The following IRAK1BP1 variants were observed in gnomAD, a reference collection of about 807,000 sequenced individuals.
IRAK1BP1 encodes the protein interleukin-1 receptor-associated kinase 1-binding protein 1.
IRAK1BP1 carries 24 observed loss-of-function variants against 28.0 expected under a neutral mutation model. The observed-to-expected ratio is 0.86, with a 90% CI of 0.62 to 1.20. The LOEUF (loss-of-function observed/expected upper bound fraction) is 1.20. Ranked by LOEUF, IRAK1BP1 falls within the 50% of genes most tolerant of loss-of-function variation. The pLI is 0.00. For missense variants in IRAK1BP1, 336 were observed against 316.7 expected, an observed-to-expected ratio of 1.06 and a Z score of -0.46; for synonymous variants, 131 against 116.3, an observed-to-expected ratio of 1.13 and a Z score of -0.81.
intron 4 of IRAK1BP1, among the ~76,000 whole-genome samples, chr6:78,924,547 A>T (rs1206805613): frequency 6.6e-6 from 1 of 152,178 alleles, no homozygotes; most frequent in Non-Finnish European, 1.5e-5. Context: ...AAAAGAGGGA[A>T]TCCTCCCTAA....
At chr6:78,923,697 A>G (rs1772807039) in intron 4 of IRAK1BP1, among the ~76,000 whole-genome samples, 1 of 152,234 alleles carries the variant, frequency 6.6e-6, no homozygotes, top group Admixed American at 6.5e-5. Context: ...ATGTAAAAGA[A>G]CAGAAATTAT....
At chr6:78,921,994 G>A (rs751211834) in intron 4 of IRAK1BP1, among the ~76,000 whole-genome samples, 23 of 152,146 alleles carry the variant, frequency 1.5e-4, no homozygotes, top group Admixed American at 7.2e-4. Flanking sequence ...CAGAAAAACC[G>A]AAAATTCTAA....
At chr6:78,876,762 A>G (rs1416889601) in intron 1 of IRAK1BP1, among the ~76,000 whole-genome samples, 1 of 152,086 alleles carries the variant, frequency 6.6e-6, no homozygotes, top group Non-Finnish European at 1.5e-5. Context: ...GGGACACTTG[A>G]TCATCTTGTG....
intron 4 of IRAK1BP1, chr6:78,940,548 G>GTTTGTT (rs1773439272): frequency 1.5e-4 from 12 of 82,710 alleles, no homozygotes; most frequent in African/African-American, 6.2e-4. Context: ...TCGTAAGTTT[G>GTTTGTT]TTTTTTTTTT....
At chr6:78,914,809 T>G (rs74943682) in intron 4 of IRAK1BP1, among the ~76,000 whole-genome samples, 5,682 of 152,116 alleles carry the variant, frequency 0.037, 107 homozygotes, top group Middle Eastern at 0.058. Context: ...TTTTTGGTTT[T>G]GTTTTGTTTT....
At chr6:78,946,591 C>T, downstream of IRAK1BP1, 1 of 1,418,772 alleles carries the variant, frequency 7.0e-7, no homozygotes, top group Non-Finnish European at 9.1e-7. Flanking sequence ...TAGGAACTTG[C>T]ATGTCAAATT....
chr6:78,919,490 A>G (rs1217472798), intron 4 of IRAK1BP1, among the ~76,000 whole-genome samples: 2 of 152,192 alleles, frequency 1.3e-5, no homozygotes, highest in African/African-American at 2.4e-5. Flanking sequence ...AACAAGCACA[A>G]TTAGAAATTA....
chr6:78,975,572 G>C, the IRAK1BP1 span, among the ~76,000 whole-genome samples: 1 of 152,168 alleles, frequency 6.6e-6, no homozygotes, highest in East Asian at 1.9e-4. Flanking sequence ...TAGGAAAAGA[G>C]GAAGTCAAAT....
chr6:78,959,170 C>T, the IRAK1BP1 span, among the ~76,000 whole-genome samples: 1 of 151,998 alleles, frequency 6.6e-6, no homozygotes, highest in Non-Finnish European at 1.5e-5. Flanking sequence ...AAAATAAAAT[C>T]TGGAGTTTTA....
At chr6:78,890,127 G>A (rs1451828717) in intron 2 of IRAK1BP1, among the ~76,000 whole-genome samples, 4 of 152,172 alleles carry the variant, frequency 2.6e-5, no homozygotes, top group African/African-American at 9.6e-5. Flanking sequence ...GCGGGGACAT[G>A]GATGAAGCTG....
intron 2 of IRAK1BP1, among the ~76,000 whole-genome samples, chr6:78,893,343 TATATATC>T (rs1771749526): frequency 8.8e-6 from 1 of 114,246 alleles, no homozygotes; most frequent in Admixed American, 9.1e-5. Flanking sequence ...TATATATATA[TATATATC>T]AACGAAGAGT....
downstream of IRAK1BP1, among the ~76,000 whole-genome samples, chr6:78,906,356 A>C (rs1772260304): frequency 6.6e-6 from 1 of 152,162 alleles, no homozygotes; most frequent in African/African-American, 2.4e-5. Flanking sequence ...ACTTTTCATG[A>C]GATAAAGCTG....
intron 4 of IRAK1BP1, among the ~76,000 whole-genome samples, chr6:78,916,950 A>T (rs1772576893): frequency 6.6e-6 from 1 of 152,150 alleles, no homozygotes; most frequent in African/African-American, 2.4e-5. Flanking sequence ...CCTAAAAAAA[A>T]AATTAGAAGT....
At chr6:78,978,616 T>G in the IRAK1BP1 span, 1 of 1,592,736 alleles carries the variant, frequency 6.3e-7, no homozygotes, top group Non-Finnish European at 8.6e-7. Context: ...GTGGCACAAA[T>G]GGACATCTTC....
At chr6:78,918,462 A>G (rs1772621146) in intron 4 of IRAK1BP1, among the ~76,000 whole-genome samples, 1 of 151,502 alleles carries the variant, frequency 6.6e-6, no homozygotes, top group Non-Finnish European at 1.5e-5. Flanking sequence ...CTTACATGTT[A>G]TGACACTCAT....
In IRAK1BP1 at chr6:78,941,124, C is replaced by A. The variant is rs759804294; in HGVS notation, c.*68-4284C>A. ...AGTACTTCATCTCTGATGGGATGCA[C>A]ATTATTTTGCTCTAAATCTTCTGGC... On this transcript the variant is annotated intron_variant and NMD_transcript_variant, in intron 4 of 4. Coordinates refer to the IRAK1BP1 transcript ENST00000606868. 45 of 1,613,780 alleles carry A rather than the reference C, an allele frequency of 2.8e-5. 1 individual carries two copies. The South Asian group carries it at 4.3e-4, about 15-fold the overall frequency.
At chr6:78,890,532 T>C (rs1771610742) in intron 2 of IRAK1BP1, among the ~76,000 whole-genome samples, 1 of 152,062 alleles carries the variant, frequency 6.6e-6, no homozygotes, top group African/African-American at 2.4e-5. Context: ...GTGGACCCAG[T>C]GGGTGCCCAG....
intron 4 of IRAK1BP1, chr6:78,936,949 A>G (rs1773293505): frequency 6.6e-6 from 1 of 151,858 alleles, no homozygotes; most frequent in Admixed American, 6.6e-5. Context: ...TATTTTTCAA[A>G]TTTTAATGGG....
intron 4 of IRAK1BP1, among the ~76,000 whole-genome samples, chr6:78,912,883 GT>G (rs1413037681): frequency 6.6e-6 from 1 of 152,054 alleles, no homozygotes; most frequent in Admixed American, 6.6e-5. Flanking sequence ...TACTATCCAT[GT>G]TTACACTTAT....
Sources: allele counts gnomAD v4.1 joint callset (sites outside exome capture counted in the v4.1 genomes callset), GRCh38; gene constraint gnomAD v4.1.1; transcripts MANE v1.5; gene names NCBI Gene and HGNC (gene_info 2026-07-23, HGNC 2026-07-21).